TEX48: variants seen among roughly 807,000 people sequenced by gnomAD.
The protein encoded by TEX48 is testis-expressed protein 48.
Under a neutral mutation model 13.2 loss-of-function variants are expected in TEX48, and 10 were observed. That is an observed-to-expected ratio of 0.75 (90% CI 0.47 to 1.28). The LOEUF (loss-of-function observed/expected upper bound fraction) is 1.28, where lower values mean the gene tolerates loss of function less well. Among genes scored for constraint, TEX48 ranks in the 50% most tolerant of loss-of-function variants. TEX48 has a pLI of 0.00. For missense variants in TEX48, 116 were observed against 139.4 expected, an observed-to-expected ratio of 0.83 and a Z score of 0.84; for synonymous variants, 45 against 52.3, an observed-to-expected ratio of 0.86 and a Z score of 0.60.
At chr9:114,671,531 C>T in intron 2 of TEX48, 26 bp from the exon 3 acceptor site, 1 of 1,534,658 alleles carries the variant, frequency 6.5e-7, no homozygotes, top group Non-Finnish European at 8.7e-7. Flanking sequence ...GAATGAGGGG[C>T]ATGGGTTCCG....
At position 114,671,971 on chromosome 9, in the gene TEX48, C is replaced by A. The variant is rs761947022; in HGVS notation, c.-104-144G>T. ...AGGTTTCAGATAGCTCTGTGTCCTACCCCATGAACAGGTGCATGTTCTTAG... is the reference window on the plus strand; with the variant it reads ...AGGTTTCAGATAGCTCTGTGTCCTAACCCATGAACAGGTGCATGTTCTTAG... On this transcript the variant is annotated intron_variant, in intron 1 of 4. Coordinates refer to ENST00000436752, the MANE Select transcript of TEX48 (RefSeq NM_001199233.2). 1.6e-3 allele frequency: 906 copies of A among 560,258 alleles called. 7 individuals are homozygous for A. Among genetic ancestry groups the A allele is most frequent in the Non-Finnish European group, 2.0e-3 (637 of 313,888 alleles). The allele number at this position is 560,258 out of a possible 1,614,324, so 34.7% of individuals were successfully genotyped here. A position where few individuals can be genotyped will look rare whatever the true frequency, so the allele number is the denominator to read the frequency against.
chr9:114,667,511 A>G (rs1827863205), intron 4 of TEX48, among the ~76,000 whole-genome samples: 1 of 152,206 alleles, frequency 6.6e-6, no homozygotes, highest in Non-Finnish European at 1.5e-5. Flanking sequence ...CTGGGGGCAT[A>G]ACAGGGAATA....
chr9:114,666,690 A>G lies in TEX48; in HGVS notation c.316T>C (p.Cys106Arg). The change falls in exon 5 of 5, where the codon TGC becomes CGC. Residue 106 changes from cysteine (C) to arginine (R), a missense_variant. Transcript: ENST00000436752. ...NFYKRNLNRY[C>R]QEHWPFQPCL... The stretch of plus-strand genomic sequence containing the variant: ...GGCTGGAATGGCCAGTGCTCCTGGC[A>G]GTAGCGGTTTAAGTTTCTCTTGTAA... 1 of 1,535,450 alleles carries G rather than the reference A, an allele frequency of 6.5e-7. No individual in the cohort carries two copies. Among genetic ancestry groups the G allele is most frequent in the Non-Finnish European group, 8.7e-7 (1 of 1,146,720 alleles).
intron 3 of TEX48, among the ~76,000 whole-genome samples, chr9:114,669,067 C>T (rs1204428361): frequency 2.0e-5 from 3 of 152,104 alleles, no homozygotes; most frequent in Non-Finnish European, 2.9e-5. Context: ...TCTTGAACTC[C>T]TGGCCTCAAG....
intron 1 of TEX48, among the ~76,000 whole-genome samples, chr9:114,679,964 C>G (rs1188511196): frequency 6.6e-6 from 1 of 152,010 alleles, no homozygotes; most frequent in African/African-American, 2.4e-5. Flanking sequence ...TCCCGTTGTG[C>G]CTGGATTAAT....
intron 1 of TEX48, among the ~76,000 whole-genome samples, chr9:114,673,480 A>G (rs1012614306): frequency 6.6e-5 from 10 of 150,596 alleles, no homozygotes; most frequent in Non-Finnish European, 1.0e-4. Context: ...TCAAAAAAAA[A>G]AAAAGAAAAG....
At chr9:114,681,031 T>A (rs1824547854) in intron 1 of TEX48, among the ~76,000 whole-genome samples, 1 of 152,234 alleles carries the variant, frequency 6.6e-6, no homozygotes, top group South Asian at 2.1e-4. Context: ...AGTTTTTGTT[T>A]CATGTAGTGA....
chr9:114,674,188 G>C (rs1204832167), intron 1 of TEX48, among the ~76,000 whole-genome samples: 1 of 152,044 alleles, frequency 6.6e-6, no homozygotes, highest in Non-Finnish European at 1.5e-5. Flanking sequence ...TCTCACCTGG[G>C]TCTTAAGATA....
intron 1 of TEX48, among the ~76,000 whole-genome samples, chr9:114,677,564 A>C (rs1299076343): frequency 2.0e-5 from 3 of 152,146 alleles, no homozygotes; most frequent in Non-Finnish European, 4.4e-5. Flanking sequence ...TGTATGTTGA[A>C]TGTAGAAGGA....
intron 1 of TEX48, among the ~76,000 whole-genome samples, chr9:114,672,288 T>C (rs1827964207): frequency 6.6e-6 from 1 of 152,222 alleles, no homozygotes; most frequent in Admixed American, 6.5e-5. Context: ...GGTAGGTCCA[T>C]GCTTTTTTCT....
At chr9:114,674,367 A>T (rs1828011548) in intron 1 of TEX48, among the ~76,000 whole-genome samples, 1 of 152,100 alleles carries the variant, frequency 6.6e-6, no homozygotes, top group Non-Finnish European at 1.5e-5. Context: ...TCTGCCTGGA[A>T]TTCAGTTCTC....
At chr9:114,667,905 C>CAAAA (rs1176250476) in intron 4 of TEX48, among the ~76,000 whole-genome samples, 13,605 of 60,200 alleles carry the variant, frequency 0.23, 2,111 homozygotes, top group Non-Finnish European at 0.26. Context: ...GACTCCATCT[C>CAAAA]AAAAAAAAAA....
At chr9:114,681,206 T>G (rs966167630) in intron 1 of TEX48, among the ~76,000 whole-genome samples, 5 of 152,180 alleles carry the variant, frequency 3.3e-5, no homozygotes, top group African/African-American at 1.2e-4. Context: ...GTCCGTATTA[T>G]CAGCAGCGAT....
chr9:114,679,527 C>A (rs1828145991), intron 1 of TEX48, among the ~76,000 whole-genome samples: 1 of 152,134 alleles, frequency 6.6e-6, no homozygotes, highest in South Asian at 2.1e-4. Flanking sequence ...AGGGCATTGT[C>A]TATAAATATA....
chr9:114,670,185 A>G (rs1309822050), intron 3 of TEX48, among the ~76,000 whole-genome samples: 1 of 152,244 alleles, frequency 6.6e-6, no homozygotes, highest in Non-Finnish European at 1.5e-5. Flanking sequence ...CTGAAACAGT[A>G]AGGGATTTAT....
At chr9:114,670,925 T>C (rs1230548275) in intron 3 of TEX48, among the ~76,000 whole-genome samples, 2 of 152,158 alleles carry the variant, frequency 1.3e-5, no homozygotes, top group Non-Finnish European at 2.9e-5. Context: ...GCAAGGACAG[T>C]GAGACTCAGG....
Position 114,671,711 on chromosome 9 carries a change from T to G in TEX48, c.4+9A>C, listed in dbSNP as rs1442393627. 8.5e-6 allele frequency: 13 copies of G among 1,535,560 alleles called. No homozygotes were observed. The East Asian group carries it at 3.2e-4, about 38-fold the overall frequency. On this transcript the variant is annotated intron_variant, in intron 2 of 4. Transcript: ENST00000436752. ...CCATTTTTTCCTATTCTGTACAAAG[T>G]TTTCTTACCCATGGAAAGGAGTTGA...
chr9:114,668,941 A>G (rs1827892341), intron 3 of TEX48, among the ~76,000 whole-genome samples: 1 of 152,096 alleles, frequency 6.6e-6, no homozygotes, highest in African/African-American at 2.4e-5. Context: ...GGCTCAAGCA[A>G]TCCTCCTGCC....
chr9:114,668,085 A>C, intron 4 of TEX48, 121 bp downstream of exon 4: 1 of 1,273,656 alleles, frequency 7.9e-7, no homozygotes, highest in Non-Finnish European at 1.1e-6. Context: ...GGGCTGCTTG[A>C]TGGGAGCAAT....
Sources: gnomAD v4.1 joint callset for allele counts (sites outside exome capture counted in the v4.1 genomes callset) on GRCh38, gnomAD v4.1.1 for gene constraint, MANE v1.5 for transcripts, NCBI Gene and HGNC (gene_info 2026-07-23, HGNC 2026-07-21) for gene names.